The following DENND1A variants were observed in gnomAD, a reference collection of about 807,000 sequenced individuals.
The protein encoded by DENND1A is DENN domain containing 1A, also known as DENN domain-containing protein 1A.
A neutral mutation model predicts 113.7 loss-of-function variants in DENND1A; 51 were observed. That is an observed-to-expected ratio of 0.45 (90% CI 0.36 to 0.57). The LOEUF is 0.57. Among genes scored for constraint, DENND1A ranks in the 20% least tolerant of loss-of-function variants. The pLI is 0.00. For synonymous variants in DENND1A, 565 were observed against 570.8 expected, an observed-to-expected ratio of 0.99 and a Z score of 0.14; for missense variants, 1,258 against 1,395.9, an observed-to-expected ratio of 0.90 and a Z score of 1.57.
chr9:123,912,321 A>G (rs1191268412), intron 1 of DENND1A, among the ~76,000 whole-genome samples: 1 of 152,192 alleles, frequency 6.6e-6, no homozygotes, highest in Non-Finnish European at 1.5e-5. Flanking sequence ...GGACCCAAGG[A>G]GTGAGCAGAG....
intron 2 of DENND1A, among the ~76,000 whole-genome samples, chr9:123,795,238 C>A (rs1335251944): frequency 6.6e-6 from 1 of 152,094 alleles, no homozygotes; most frequent in Admixed American, 6.6e-5. Context: ...AGATTCAGTC[C>A]GATAGTTCAT....
intron 10 of DENND1A, among the ~76,000 whole-genome samples, chr9:123,626,493 TCTCA>T (rs1204711718): frequency 6.6e-6 from 1 of 152,078 alleles, no homozygotes; most frequent in African/African-American, 2.4e-5. Context: ...TCCTGCTTTT[TCTCA>T]CTCTCTCTCT....
chr9:123,538,749 A>AGTGTGTGTGTGTGT (rs145062895), intron 13 of DENND1A, among the ~76,000 whole-genome samples: 7 of 91,026 alleles, frequency 7.7e-5, no homozygotes, highest in African/African-American at 2.9e-4. Context: ...TATGTGTGTG[A>AGTGTGTGTGTGTGT]GTGTGTGTGT....
At chr9:123,469,911 G>A (rs751101578) in intron 13 of DENND1A, among the ~76,000 whole-genome samples, 1 of 152,212 alleles carries the variant, frequency 6.6e-6, no homozygotes. Flanking sequence ...AACGAAGTCT[G>A]TCTGGCCCTG....
At chr9:123,773,246 C>T (rs1829995193) in intron 3 of DENND1A, among the ~76,000 whole-genome samples, 1 of 152,084 alleles carries the variant, frequency 6.6e-6, no homozygotes, top group African/African-American at 2.4e-5. Flanking sequence ...CAAAGCTCTG[C>T]CCACAAGAGA....
chr9:123,721,557 T>C (rs1359189960), intron 5 of DENND1A, among the ~76,000 whole-genome samples: 1 of 152,188 alleles, frequency 6.6e-6, no homozygotes, highest in Non-Finnish European at 1.5e-5. Context: ...CAAATCTCAT[T>C]TTTAATTTTA....
In DENND1A at chr9:123,628,569, A is replaced by C. The variant is rs190450322; in HGVS notation, c.719+1807T>G. Among the ~76,000 whole-genome samples the C allele has an allele frequency of 2.6e-5, 4 of 152,290 alleles. No homozygotes were observed. The East Asian group carries it at 7.8e-4, about 30-fold the overall frequency. ...ACTCCCTGAGGAACAGAGCAAACGC[A>C]AACATTTAATGTCACATGGTGAATC... On this transcript the variant is annotated intron_variant, in intron 10 of 23. Coordinates refer to ENST00000394215, the MANE Select transcript of DENND1A (RefSeq NM_001352964.2).
chr9:123,668,865 T>C (rs896994972), intron 7 of DENND1A, among the ~76,000 whole-genome samples: 2 of 152,148 alleles, frequency 1.3e-5, no homozygotes, highest in African/African-American at 4.8e-5. Context: ...AAAAGTAATA[T>C]GCAAGGTTCC....
At chr9:123,814,761 A>T (rs1349102657) in intron 2 of DENND1A, among the ~76,000 whole-genome samples, 1 of 152,182 alleles carries the variant, frequency 6.6e-6, no homozygotes, top group Non-Finnish European at 1.5e-5. Flanking sequence ...CAAACAATCA[A>T]ATCAGAGAAC....
chr9:123,644,702 C>T (rs2062218434), intron 9 of DENND1A, among the ~76,000 whole-genome samples: 1 of 152,168 alleles, frequency 6.6e-6, no homozygotes, highest in African/African-American at 2.4e-5. Context: ...TGATGTTTCT[C>T]CCTTTCCAGA....
chr9:123,498,384 C>T (rs1314026964), intron 13 of DENND1A, among the ~76,000 whole-genome samples: 1 of 152,150 alleles, frequency 6.6e-6, no homozygotes, highest in East Asian at 1.9e-4. Context: ...TGCTGGTCAA[C>T]AGCAGAGCTT....
At chr9:123,786,017 AGCCTGG>A in intron 3 of DENND1A, among the ~76,000 whole-genome samples, 1 of 152,148 alleles carries the variant, frequency 6.6e-6, no homozygotes, top group African/African-American at 2.4e-5. Context: ...GATGGAGACC[AGCCTGG>A]TCAACATGAT....
At chr9:123,750,499 T>C (rs772227207) in intron 5 of DENND1A, among the ~76,000 whole-genome samples, 1 of 152,152 alleles carries the variant, frequency 6.6e-6, no homozygotes, top group Non-Finnish European at 1.5e-5. Flanking sequence ...CCCTGGCCCA[T>C]CCTCTATGTT....
intron 2 of DENND1A, among the ~76,000 whole-genome samples, chr9:123,848,442 A>C (rs1371574662): frequency 6.6e-6 from 1 of 152,130 alleles, no homozygotes; most frequent in African/African-American, 2.4e-5. Flanking sequence ...AACCATGCCC[A>C]TATAAGATGG....
chr9:123,525,497 T>C (rs1422677222), intron 13 of DENND1A, among the ~76,000 whole-genome samples: 3 of 152,110 alleles, frequency 2.0e-5, no homozygotes, highest in African/African-American at 7.2e-5. Context: ...AGCAGATAAA[T>C]GCCACAAGCC....
chr9:123,619,352 G>C (rs754661692), intron 10 of DENND1A, among the ~76,000 whole-genome samples: 1 of 152,196 alleles, frequency 6.6e-6, no homozygotes, highest in African/African-American at 2.4e-5. Context: ...CTATTAGATG[G>C]ATAGTGGATT....
intron 2 of DENND1A, among the ~76,000 whole-genome samples, chr9:123,816,055 C>T (rs182305372): frequency 3.6e-5 from 5 of 137,984 alleles, no homozygotes; most frequent in Admixed American, 8.0e-5. Flanking sequence ...GGCTGGAGTG[C>T]GGTGGCACAA....
At chr9:123,874,200 T>TAAAAAAAAAA (rs3050143) in intron 2 of DENND1A, among the ~76,000 whole-genome samples, 3 of 93,144 alleles carry the variant, frequency 3.2e-5, no homozygotes, top group Non-Finnish European at 5.1e-5. Context: ...ATTTAAAAAG[T>TAAAAAAAAAA]AAAAAAAAAA....
intron 20 of DENND1A, among the ~76,000 whole-genome samples, chr9:123,410,853 GT>G (rs2044249546): frequency 6.6e-6 from 1 of 151,928 alleles, no homozygotes; most frequent in African/African-American, 2.4e-5. Flanking sequence ...TTTTCCCTTG[GT>G]AAACAGCCCC....
Sources: allele counts gnomAD v4.1 joint callset (sites outside exome capture counted in the v4.1 genomes callset), GRCh38; gene constraint gnomAD v4.1.1; transcripts MANE v1.5; gene names NCBI Gene and HGNC (gene_info 2026-07-23, HGNC 2026-07-21).